Variants in CNIH3 observed in about 807,000 individuals in gnomAD.
The protein encoded by CNIH3 is protein cornichon homolog 3.
CNIH3 carries 14 observed loss-of-function variants against 24.1 expected under a neutral mutation model. The observed-to-expected ratio is 0.58, with a 90% CI of 0.38 to 0.91. The LOEUF (loss-of-function observed/expected upper bound fraction) is 0.91. Among genes scored for constraint, CNIH3 ranks in the 40% least tolerant of loss-of-function variants. The pLI is 0.00. For synonymous variants in CNIH3, 68 were observed against 73.8 expected (o/e 0.92, Z 0.40); for missense variants, 178 against 196.8 (o/e 0.90, Z 0.57).
chr1:224,542,936 A>G (rs908438167), intron 2 of CNIH3, among the ~76,000 whole-genome samples: 4 of 152,198 alleles, frequency 2.6e-5, no homozygotes, highest in Admixed American at 1.3e-4. Flanking sequence ...TTTGTTATCC[A>G]TGGTGGGTCC....
chr1:224,444,909 C>G (rs563919594), intron 1 of CNIH3, among the ~76,000 whole-genome samples: 4 of 149,166 alleles, frequency 2.7e-5, no homozygotes, highest in Non-Finnish European at 4.4e-5. Context: ...TCCCAAAGTG[C>G]TGGGATTACA....
At chr1:224,468,622 ATCTG>A (rs370376193) in intron 1 of CNIH3, among the ~76,000 whole-genome samples, 187 of 152,110 alleles carry the variant, frequency 1.2e-3, no homozygotes, top group African/African-American at 4.3e-3. Flanking sequence ...TTTCTTTCCA[ATCTG>A]TCTGCATTTA....
chr1:224,667,754 A>C (rs994830470), intron 1 of CNIH3, among the ~76,000 whole-genome samples: 3 of 62,934 alleles, frequency 4.8e-5, no homozygotes, highest in African/African-American at 2.0e-4. Flanking sequence ...TCAGTCCAAT[A>C]AAAAAAAAAA....
At chr1:224,492,721 C>T (rs1312288067) in intron 1 of CNIH3, among the ~76,000 whole-genome samples, 1 of 152,166 alleles carries the variant, frequency 6.6e-6, no homozygotes, top group East Asian at 1.9e-4. Context: ...CTGTGCTAGA[C>T]ATCCTGGAAG....
At chr1:224,585,813 T>G (rs952217323) in intron 5 of CNIH3, among the ~76,000 whole-genome samples, 2 of 152,130 alleles carry the variant, frequency 1.3e-5, no homozygotes, top group African/African-American at 4.8e-5. Context: ...AGTCTCCAGT[T>G]CCTGCACATA....
chr1:224,587,966 C>T (rs57674260), intron 5 of CNIH3, among the ~76,000 whole-genome samples: 24,364 of 151,288 alleles, frequency 0.16, 2,356 homozygotes, highest in African/African-American at 0.26. Context: ...CAAAACAAAA[C>T]CTAAAAACTA....
At chr1:224,483,867 C>T (rs574320972) in intron 1 of CNIH3, among the ~76,000 whole-genome samples, 1 of 152,144 alleles carries the variant, frequency 6.6e-6, no homozygotes, top group Admixed American at 6.5e-5. Flanking sequence ...TTTTTTCTAA[C>T]TACTTTTAAG....
At chr1:224,602,318 G>GTTTA in intron 3 of CNIH3, among the ~76,000 whole-genome samples, 1 of 152,054 alleles carries the variant, frequency 6.6e-6, no homozygotes, top group East Asian at 1.9e-4. Context: ...AAATGCTTAT[G>GTTTA]TTTAAGTACA....
chr1:224,654,087 A>T, intron 1 of CNIH3, among the ~76,000 whole-genome samples: 1 of 152,054 alleles, frequency 6.6e-6, no homozygotes, highest in East Asian at 1.9e-4. Context: ...TTTAAAAAAA[A>T]AAAAAAAGAT....
At chr1:224,672,256 G>A (rs896123825) in intron 1 of CNIH3, among the ~76,000 whole-genome samples, 2 of 152,246 alleles carry the variant, frequency 1.3e-5, no homozygotes, top group Admixed American at 6.5e-5. Context: ...TCCCTGGGGA[G>A]GTGTATATTT....
chr1:224,535,900 A>G (rs1679264507), intron 2 of CNIH3, among the ~76,000 whole-genome samples: 1 of 152,186 alleles, frequency 6.6e-6, no homozygotes, highest in Admixed American at 6.5e-5. Flanking sequence ...GAGGCATGGG[A>G]CCGCTGTCAC....
intron 3 of CNIH3, among the ~76,000 whole-genome samples, chr1:224,729,029 G>C (rs2125238572): frequency 6.6e-6 from 1 of 152,264 alleles, no homozygotes; most frequent in African/African-American, 2.4e-5. Flanking sequence ...AAGTACCCCT[G>C]GGAGGGGGTC....
At chr1:224,443,484 G>T (rs1421205453) in intron 1 of CNIH3, among the ~76,000 whole-genome samples, 1 of 152,106 alleles carries the variant, frequency 6.6e-6, no homozygotes, top group Non-Finnish European at 1.5e-5. Context: ...CTGAGATGAG[G>T]CTCGATAGCA....
At chr1:224,601,250 T>C (rs973279278) in intron 3 of CNIH3, among the ~76,000 whole-genome samples, 1 of 152,196 alleles carries the variant, frequency 6.6e-6, no homozygotes, top group African/African-American at 2.4e-5. Context: ...GCTGTCCGCA[T>C]GCTCAGTGGC....
At chr1:224,549,072 G>A (rs1264474585) in intron 3 of CNIH3, among the ~76,000 whole-genome samples, 2 of 152,044 alleles carry the variant, frequency 1.3e-5, no homozygotes, top group Non-Finnish European at 2.9e-5. Context: ...TGTACACTTT[G>A]TGTACACATT....
At position 224,616,357 on chromosome 1, in the gene CNIH3, C is replaced by T. The variant is rs993315784; in HGVS notation, c.-818C>T. On this transcript the variant is annotated 5_prime_UTR_variant, in exon 1 of 6. Coordinates refer to ENST00000272133, the MANE Select transcript of CNIH3 (RefSeq NM_152495.2). ...GCGGCGGCGGCGGCGGCAGCGGCAG[C>T]AGCAGGTGGAGCGAGCTACAGCGTT... 1.0e-5 allele frequency: 6 copies of T among 597,606 alleles called. No individual in the cohort carries two copies. Among genetic ancestry groups the T allele is most frequent in the Non-Finnish European group, 1.3e-5 (6 of 454,386 alleles). 37.0% of individuals were successfully genotyped at this position (597,606 alleles called of 1,614,324 possible).
chr1:224,440,113 G>A (rs945644213), intron 1 of CNIH3, among the ~76,000 whole-genome samples: 7 of 152,216 alleles, frequency 4.6e-5, no homozygotes, highest in African/African-American at 1.4e-4. Context: ...AGTAGAGATG[G>A]GGTTTCACCA....
chr1:224,639,929 G>A (rs1176976298), intron 1 of CNIH3, among the ~76,000 whole-genome samples: 1 of 152,168 alleles, frequency 6.6e-6, no homozygotes, highest in African/African-American at 2.4e-5. Flanking sequence ...AGGCCGTAAC[G>A]ATGTATCACC....
At chr1:224,560,881 C>T (rs1680344368) in intron 3 of CNIH3, among the ~76,000 whole-genome samples, 2 of 152,282 alleles carry the variant, frequency 1.3e-5, no homozygotes, top group Admixed American at 1.3e-4. Context: ...GAAACCGTCC[C>T]TGGTGCCAAA....
Sources: gnomAD v4.1 joint callset for allele counts (sites outside exome capture counted in the v4.1 genomes callset) on GRCh38, gnomAD v4.1.1 for gene constraint, MANE v1.5 for transcripts, NCBI Gene and HGNC (gene_info 2026-07-23, HGNC 2026-07-21) for gene names.